Variants in VKORC1L1 observed in about 807,000 individuals in gnomAD.
The protein encoded by VKORC1L1 is vitamin K epoxide reductase complex subunit 1L1.
VKORC1L1 carries 2 observed loss-of-function variants against 18.9 expected under a neutral mutation model. That is an observed-to-expected ratio of 0.11 (90% CI 0.04 to 0.33). The LOEUF (loss-of-function observed/expected upper bound fraction) is 0.33. Ranked by LOEUF, VKORC1L1 falls within the 10% of genes least tolerant of loss-of-function variation. VKORC1L1 has a pLI of 1.00. For synonymous variants in VKORC1L1, 96 were observed against 100.0 expected (o/e 0.96, Z 0.24); for missense variants, 123 against 224.1 (o/e 0.55, Z 2.88).
Position 65,955,045 on chromosome 7 carries a change from G to A in VKORC1L1, c.*745G>A, listed in dbSNP as rs1416265349. The stretch of plus-strand genomic sequence containing the variant: ...GAAAAAATTGAATTGGAACGTTCAA[G>A]TCCAGTTTGTGTTCAGTCATAAAAC... On this transcript the variant is annotated 3_prime_UTR_variant, in exon 3 of 3. Coordinates refer to ENST00000360768, the MANE Select transcript of VKORC1L1 (RefSeq NM_173517.6). 6.6e-6 allele frequency: 1 copy of A among 152,204 alleles called. No individual in the cohort carries two copies. The highest frequency in any genetic ancestry group is 1.5e-5 in the Non-Finnish European group (1 of 68,060). The allele number at this position is 152,204 out of a possible 1,614,324, so 9.4% of individuals were successfully genotyped here. A position where few individuals can be genotyped will look rare whatever the true frequency, so the allele number is the denominator to read the frequency against.
At chr7:65,912,355 CA>C (rs1169118460) in intron 1 of VKORC1L1, among the ~76,000 whole-genome samples, 1 of 152,150 alleles carries the variant, frequency 6.6e-6, no homozygotes, top group Admixed American at 6.5e-5. Context: ...CACCAGGAAC[CA>C]TATATTGTGT....
intron 1 of VKORC1L1, among the ~76,000 whole-genome samples, chr7:65,875,879 T>G (rs1788819225): frequency 6.6e-6 from 1 of 152,190 alleles, no homozygotes; most frequent in African/African-American, 2.4e-5. Flanking sequence ...AAGAAAATCA[T>G]CTTCCAGGAT....
intron 1 of VKORC1L1, among the ~76,000 whole-genome samples, chr7:65,896,377 G>A (rs1789212573): frequency 6.6e-6 from 1 of 152,020 alleles, no homozygotes; most frequent in Admixed American, 6.6e-5. Context: ...ATGTTTGGTG[G>A]ACATAAATAC....
chr7:65,943,908 A>G (rs1026169457), intron 1 of VKORC1L1, among the ~76,000 whole-genome samples: 6 of 152,244 alleles, frequency 3.9e-5, no homozygotes, highest in African/African-American at 1.4e-4. Flanking sequence ...TAGTAACAAA[A>G]ATTTAAACAA....
intron 1 of VKORC1L1, among the ~76,000 whole-genome samples, chr7:65,922,428 G>A (rs1170210180): frequency 6.6e-6 from 1 of 152,002 alleles, no homozygotes; most frequent in African/African-American, 2.4e-5. Flanking sequence ...TTACAGATGT[G>A]CTGCACCACC....
rs1790274288 is a variant in VKORC1L1, at chr7:65,955,168, GGAGAAA to G, written c.*869_*874del. The G allele has an allele frequency of 6.6e-6, 1 of 152,136 alleles. No individual in the cohort carries two copies. Among genetic ancestry groups the G allele is most frequent in the Admixed American group, 6.6e-5 (1 of 15,252 alleles). The allele number at this position is 152,136 out of a possible 1,614,324, so 9.4% of individuals were successfully genotyped here. ...GATGGGAAAATGGGTATTTTTCTTT[GGAGAAA>G]AGCTGGAAATATAAACATGGCATTT... On this transcript the variant is annotated 3_prime_UTR_variant, in exon 3 of 3. Coordinates refer to ENST00000360768, the MANE Select transcript of VKORC1L1 (RefSeq NM_173517.6).
chr7:65,932,451 C>A (rs531363048), intron 1 of VKORC1L1, among the ~76,000 whole-genome samples: 25 of 152,198 alleles, frequency 1.6e-4, no homozygotes, highest in African/African-American at 6.0e-4. Context: ...TTTAAACTTT[C>A]CTTTCTAATA....
intron 1 of VKORC1L1, among the ~76,000 whole-genome samples, chr7:65,922,741 T>C (rs1353651799): frequency 6.6e-6 from 1 of 152,218 alleles, no homozygotes; most frequent in Non-Finnish European, 1.5e-5. Flanking sequence ...TTGGCTTTCT[T>C]TCCTTCTGTT....
intron 1 of VKORC1L1, among the ~76,000 whole-genome samples, chr7:65,933,869 G>C (rs151312484): frequency 6.6e-6 from 1 of 152,052 alleles, no homozygotes; most frequent in East Asian, 1.9e-4. Context: ...ATAGCCTTTC[G>C]TATTCTAGTT....
chr7:65,877,937 G>C (rs1788856290), intron 1 of VKORC1L1, among the ~76,000 whole-genome samples: 1 of 152,102 alleles, frequency 6.6e-6, no homozygotes, highest in Admixed American at 6.6e-5. Flanking sequence ...CATATATGCA[G>C]GTTTCGGTCT....
At position 65,954,247 on chromosome 7, in the gene VKORC1L1, C is replaced by A; in HGVS notation, c.478C>A (p.Leu160Ile). ...FLLLIINYKR[L>I]VYLNEAWKRQ... ...TCTTCTCATTATCAACTACAAACGA[C>A]TAGTTTACTTGAACGAGGCCTGGAA... Residue 160 changes from leucine to isoleucine, a missense_variant, in exon 3 of 3, where the codon CTA (leucine) becomes ATA (isoleucine). Coordinates refer to ENST00000360768, the MANE Select transcript of VKORC1L1 (RefSeq NM_173517.6). 1 of 1,614,154 alleles carries A rather than the reference C, an allele frequency of 6.2e-7. No individual in the cohort carries two copies. Among genetic ancestry groups the A allele is most frequent in the Non-Finnish European group, 8.5e-7 (1 of 1,180,028 alleles).
upstream of VKORC1L1, among the ~76,000 whole-genome samples, chr7:65,870,881 C>T (rs1430517666): frequency 6.6e-6 from 1 of 151,698 alleles, no homozygotes; most frequent in East Asian, 2.0e-4. Flanking sequence ...ACACCCCTGC[C>T]CCAAGCCCTC....
At chr7:65,890,268 C>T (rs1307977371) in intron 1 of VKORC1L1, among the ~76,000 whole-genome samples, 1 of 151,628 alleles carries the variant, frequency 6.6e-6, no homozygotes, top group Non-Finnish European at 1.5e-5. Context: ...GTAACTGGGA[C>T]GACAGGCTCC....
At chr7:65,929,476 G>A (rs1281280137) in intron 1 of VKORC1L1, among the ~76,000 whole-genome samples, 1 of 152,000 alleles carries the variant, frequency 6.6e-6, no homozygotes, top group Middle Eastern at 3.2e-3. Context: ...TGATCATTGT[G>A]TCTGTCCTTT....
rs28709418 is a variant in VKORC1L1, at chr7:65,916,067, C to T, written c.195-32604C>T. 1.6e-3 allele frequency among the ~76,000 whole-genome samples: 238 copies of T among 148,936 alleles called. 2 individuals carry two copies. The highest frequency in any genetic ancestry group is 5.5e-3 in the African/African-American group (222 of 40,288). ...CGGAGGTTGCAGTGAGCCAAGATCA[C>T]GCTACTCTACTCCAGCCTGGGCAGC... On this transcript the variant is annotated intron_variant, in intron 1 of 2. Transcript: ENST00000360768.
intron 1 of VKORC1L1, among the ~76,000 whole-genome samples, chr7:65,895,476 AAAAAATATATATATATAT>A (rs1207876260): frequency 1.5e-4 from 6 of 41,360 alleles, no homozygotes; most frequent in Non-Finnish European, 2.3e-4. Context: ...AAAAAAAAAA[AAAAAATATATATATATAT>A]ATATATATAT....
chr7:65,868,845 A>G (rs1295182233), upstream of VKORC1L1, among the ~76,000 whole-genome samples: 1 of 152,096 alleles, frequency 6.6e-6, no homozygotes, highest in Non-Finnish European at 1.5e-5. Flanking sequence ...AAAATTTCCT[A>G]TTGAGTACAA....
At position 65,942,722 on chromosome 7, in the gene VKORC1L1, C is replaced by A. The variant is rs1157734926; in HGVS notation, c.195-5949C>A. Among the ~76,000 whole-genome samples, 7 of 151,796 alleles carry A rather than the reference C, an allele frequency of 4.6e-5. No homozygotes were observed. The South Asian group carries it at 1.5e-3, about 32-fold the overall frequency. On this transcript the variant is annotated intron_variant, in intron 1 of 2. Transcript: ENST00000360768. Reference sequence around the variant, plus strand: ...TGTATTTTTAGTAGAGACGGGGTTTCGCCATGTTGGCCAGGCTGGTCTCAA... The same window carrying A: ...TGTATTTTTAGTAGAGACGGGGTTTAGCCATGTTGGCCAGGCTGGTCTCAA...
At chr7:65,916,115 T>TA (rs35219358) in intron 1 of VKORC1L1, among the ~76,000 whole-genome samples, 17,867 of 126,586 alleles carry the variant, frequency 0.14, 1,271 homozygotes, top group East Asian at 0.25. Flanking sequence ...TGTCTAAAAT[T>TA]AAAAAAAAAA....
Sources: allele counts gnomAD v4.1 joint callset (sites outside exome capture counted in the v4.1 genomes callset), GRCh38; gene constraint gnomAD v4.1.1; transcripts MANE v1.5; gene names NCBI Gene and HGNC (gene_info 2026-07-23, HGNC 2026-07-21).